Variants in CLP1 observed in about 807,000 individuals in gnomAD.
The protein encoded by CLP1 is polyribonucleotide 5'-hydroxyl-kinase Clp1.
CLP1 carries 18 observed loss-of-function variants against 29.9 expected under a neutral mutation model. That is an observed-to-expected ratio of 0.60 (90% CI 0.42 to 0.89). The LOEUF (loss-of-function observed/expected upper bound fraction) is 0.89, where lower values mean the gene tolerates loss of function less well. Among genes scored for constraint, CLP1 ranks in the 40% least tolerant of loss-of-function variants. The pLI, the probability that CLP1 is intolerant of heterozygous loss-of-function variation, is 0.00. For missense variants in CLP1, 357 were observed against 544.8 expected (o/e 0.66, Z 3.43); for synonymous variants, 162 against 206.2 (o/e 0.79, Z 1.84).
At chr11:57,659,084 ATT>A (rs377693360) in intron 1 of CLP1, among the ~76,000 whole-genome samples, 11 of 128,718 alleles carry the variant, frequency 8.5e-5, no homozygotes, top group Non-Finnish European at 6.7e-5. Context: ...CCATTGGATG[ATT>A]TTTTTTTTTT....
Position 57,661,499 on chromosome 11 carries a change from T to C in CLP1, c.*63T>C. On this transcript the variant is annotated 3_prime_UTR_variant, in exon 3 of 3. Transcript: ENST00000533682. ...TCATCTGGCCACCCCTAGAGGCAGA[T>C]GGGCTGAGATAAAAGACTGTTGGGG... 1 of 1,403,000 alleles carries C rather than the reference T, an allele frequency of 7.1e-7. No individual in the cohort carries two copies. The highest frequency in any genetic ancestry group is 1.3e-5 in the South Asian group (1 of 75,192). The allele number at this position is 1,403,000 out of a possible 1,614,324, so 86.9% of individuals were successfully genotyped here. A position where few individuals can be genotyped will look rare whatever the true frequency, so the allele number is the denominator to read the frequency against.
rs781569229 is a variant in CLP1 at position 57,660,971 on chromosome 11, C to T, written c.813C>T (p.Pro271=). The T allele has an allele frequency of 2.5e-5, 40 of 1,614,088 alleles. No individual in the cohort carries two copies. In the Middle Eastern group the frequency reaches 8.2e-4, roughly 33 times the overall value. Residue 271 remains proline, a synonymous_variant, in exon 3 of 3, where the codon CCC becomes CCT. Coordinates refer to ENST00000533682, the MANE Select transcript of CLP1 (RefSeq NM_006831.3). The part of the protein sequence containing the change: ...RLYNELKRDL[P]HFVRTVLLPK... ...ACAATGAACTGAAACGGGACCTCCCCCACTTTGTACGCACTGTGCTGCTCC... is the reference window on the plus strand; with the variant it reads ...ACAATGAACTGAAACGGGACCTCCCTCACTTTGTACGCACTGTGCTGCTCC...
At position 57,659,759 on chromosome 11, in the gene CLP1, A is replaced by G; in HGVS notation, c.283A>G (p.Asn95Asp). Residue 95 changes from asparagine to aspartate, a missense_variant, in exon 2 of 3, where the codon AAC becomes GAC. By Grantham distance (23) the Asn-to-Asp change is conservative. Transcript: ENST00000533682. The stretch of plus-strand genomic sequence containing the variant: ...GGACACTCCTATGTTGCTTTACCTC[A>G]ACACTCACACAGCCTTGGAACAGAT... ...SKDTPMLLYL[N>D]THTALEQMRR... is the part of the protein sequence containing the mutation. 1 of 1,614,206 alleles carries G rather than the reference A, an allele frequency of 6.2e-7. No individual in the cohort carries two copies. Among genetic ancestry groups the G allele is most frequent in the East Asian group, 2.2e-5 (1 of 44,884 alleles).
At chr11:57,659,270 G>A (rs1455310927) in intron 1 of CLP1, among the ~76,000 whole-genome samples, 185 bp from the exon 2 acceptor site, 3 of 149,302 alleles carry the variant, frequency 2.0e-5, no homozygotes, top group African/African-American at 7.4e-5. Flanking sequence ...TGTATGTTTA[G>A]TAGAGACAGG....
chr11:57,660,790 TCAAC>T lies in CLP1; in HGVS notation c.636_639del (p.Asn212LysfsTer5). Reference sequence around the variant, plus strand: ...ATTACATCTCGTTTAGCAGATGTGTTCAACCAAAGGTGTGAGGTGAACCGAAGGG... The same window carrying T: ...ATTACATCTCGTTTAGCAGATGTGTTCAAAGGTGTGAGGTGAACCGAAGGG... On this transcript the variant is annotated frameshift_variant, in exon 3 of 3. Transcript: ENST00000533682. LOFTEE classifies it high-confidence loss of function. 1 of 1,601,632 alleles carries T rather than the reference TCAAC, an allele frequency of 6.2e-7. No individual in the cohort carries two copies. The highest frequency in any genetic ancestry group is 8.5e-7 in the Non-Finnish European group (1 of 1,171,448).
rs767839746 is a variant in CLP1, at chr11:57,661,077, G to C, written c.919G>C (p.Gly307Arg). Residue 307 changes from glycine (G) to arginine (R), a missense_variant, in exon 3 of 3, where the codon GGA becomes CGA. By Grantham distance (125) the Gly-to-Arg change is moderately radical. Transcript: ENST00000533682. ...RDERIREYFY[G>R]FRGCFYPHAF... ...TGAGCGTATCCGTGAGTATTTTTAT[G>C]GATTCCGAGGCTGTTTCTATCCCCA... 5.6e-6 allele frequency: 9 copies of C among 1,614,190 alleles called. No individual in the cohort carries two copies. In the South Asian group the frequency reaches 9.9e-5, roughly 18 times the overall value.
In CLP1 at chr11:57,660,830, T is replaced by C; in HGVS notation, c.672T>C (p.Ser224=). The part of the protein sequence containing the change: ...RCEVNRRASV[S]GCVINTCGWV... ...AGGTGAACCGAAGGGCATCTGTGAG[T>C]GGCTGTGTCATTAACACCTGTGGCT... The change falls in exon 3 of 3, where the codon AGT becomes AGC. Residue 224 remains serine, a synonymous_variant. Coordinates refer to ENST00000533682, the MANE Select transcript of CLP1 (RefSeq NM_006831.3). The C allele has an allele frequency of 6.2e-7, 1 of 1,613,544 alleles. No individual in the cohort carries two copies. Among genetic ancestry groups the C allele is most frequent in the African/African-American group, 1.3e-5 (1 of 75,024 alleles).
At chr11:57,660,210 C>G in intron 2 of CLP1, 128 bp downstream of exon 2, 1 of 959,054 alleles carries the variant, frequency 1.0e-6, no homozygotes, top group Non-Finnish European at 1.5e-6. Context: ...AAAGGCAATT[C>G]CAAATATGTC....
In CLP1 at chr11:57,659,565, CTCAG is replaced by C; in HGVS notation, c.95_98del (p.Ser32PhefsTer6). ...GAACTTCGCTTTGAGGTGGAGGCAT[CTCAG>C]TCAGTTCAGTTGGAGTTGTTGACTG... is the stretch of plus-strand genomic sequence containing the variant. On this transcript the variant is annotated frameshift_variant, in exon 2 of 3. Coordinates refer to ENST00000533682, the MANE Select transcript of CLP1 (RefSeq NM_006831.3). LOFTEE classifies it high-confidence loss of function. 1 of 1,614,122 alleles carries C rather than the reference CTCAG, an allele frequency of 6.2e-7. No individual in the cohort carries two copies. Among genetic ancestry groups the C allele is most frequent in the Non-Finnish European group, 8.5e-7 (1 of 1,180,012 alleles).
rs1283392092 is a variant in CLP1, at chr11:57,660,020, G to A, written c.544G>A (p.Ala182Thr). The stretch of plus-strand genomic sequence containing the variant: ...TGTCGAAGAGGGTTTCTCTATCCAG[G>A]CCCCTCTGGTGTATCATTTTGGTTC... ...ADVEEGFSIQ[A>T]PLVYHFGSTT... Residue 182 changes from alanine to threonine, a missense_variant, in exon 2 of 3, where the codon GCC (alanine) becomes ACC (threonine). Ala to Thr is a moderately conservative substitution (Grantham distance 58). Coordinates refer to ENST00000533682, the MANE Select transcript of CLP1 (RefSeq NM_006831.3). The A allele has an allele frequency of 6.2e-7, 1 of 1,611,722 alleles. No individual in the cohort carries two copies. Among genetic ancestry groups the A allele is most frequent in the Admixed American group, 1.7e-5 (1 of 59,760 alleles).
chr11:57,661,320 G>T lies in CLP1; in HGVS notation c.1162G>T (p.Val388Leu). 6.2e-7 allele frequency: 1 copy of T among 1,614,044 alleles called. No homozygotes were observed. Among genetic ancestry groups the T allele is most frequent in the Non-Finnish European group, 8.5e-7 (1 of 1,179,890 alleles). ...LSETSVAGFI[V>L]VTSVDLEHQV... is the part of the protein sequence containing the mutation. ...CGAGACAAGTGTAGCTGGCTTCATT[G>T]TGGTGACCAGTGTGGACCTGGAGCA... is the stretch of plus-strand genomic sequence containing the variant. Residue 388 changes from valine to leucine, a missense_variant, in exon 3 of 3, where the codon GTG becomes TTG. Val to Leu is a conservative substitution (Grantham distance 32). Transcript: ENST00000533682.
At chr11:57,660,645 C>A in intron 2 of CLP1, 120 bp from the exon 3 acceptor site, 2 of 833,180 alleles carry the variant, frequency 2.4e-6, no homozygotes, top group Non-Finnish European at 3.7e-6. Flanking sequence ...CAGAGTGAGA[C>A]TCCATTTCAA....
At chr11:57,659,026 C>T (rs2135360063) in intron 1 of CLP1, among the ~76,000 whole-genome samples, 1 of 151,528 alleles carries the variant, frequency 6.6e-6, no homozygotes, top group African/African-American at 2.4e-5. Context: ...CTGCCCAACT[C>T]AGCGCCCCAA....
At position 57,661,451 on chromosome 11, in the gene CLP1, C is replaced by A. The variant is rs1456232876; in HGVS notation, c.*15C>A. ...ATCTGAAGTAGAGATCAGCAGGAAG[C>A]CTTGCTGCCTGGGACATAGAGATCA... is the stretch of plus-strand genomic sequence containing the variant. On this transcript the variant is annotated 3_prime_UTR_variant, in exon 3 of 3. Transcript: ENST00000533682. 6.3e-7 allele frequency: 1 copy of A among 1,588,716 alleles called. No homozygotes were observed. The highest frequency in any genetic ancestry group is 8.6e-7 in the Non-Finnish European group (1 of 1,165,632).
chr11:57,659,392 T>C (rs1945852015), intron 1 of CLP1, 63 bp from the exon 2 acceptor site: 5 of 1,486,554 alleles, frequency 3.4e-6, no homozygotes, highest in Non-Finnish European at 3.7e-6. Context: ...CCTGGCCCCA[T>C]TGGATGTTTT....
At position 57,659,994 on chromosome 11, in the gene CLP1, A is replaced by G. The variant is rs1674266396; in HGVS notation, c.518A>G (p.Asp173Gly). The G allele has an allele frequency of 6.2e-7, 1 of 1,613,420 alleles. No homozygotes were observed. Reference protein sequence around the residue: ...MGALYIERPADVEEGFSIQAP... With the variant: ...MGALYIERPAGVEEGFSIQAP... ...GCCCTCTACATCGAGCGGCCTGCAG[A>G]TGTCGAAGAGGGTTTCTCTATCCAG... Residue 173 changes from aspartate (D) to glycine (G), a missense_variant, in exon 2 of 3, where the codon GAT becomes GGT. Transcript: ENST00000533682.
rs200548560 is a variant in CLP1 at position 57,658,638 on chromosome 11, AT to A, written c.-23+787del. Among the ~76,000 whole-genome samples, 366 of 150,652 alleles carry A rather than the reference AT, an allele frequency of 2.4e-3. 2 individuals are homozygous for A. Among genetic ancestry groups the A allele is most frequent in the African/African-American group, 8.7e-3 (358 of 41,054 alleles). On this transcript the variant is annotated intron_variant, in intron 1 of 2. Transcript: ENST00000533682. ...TTTATTTATTTGTTTATTTTATTTT[AT>A]TTTTTTTTGAGACAGAGCCTTGGTC...
intron 1 of CLP1, among the ~76,000 whole-genome samples, chr11:57,659,002 T>C (rs1945847613): frequency 6.6e-6 from 1 of 152,038 alleles, no homozygotes; most frequent in Non-Finnish European, 1.5e-5. Flanking sequence ...CTTGTACTTC[T>C]GAGCTCAGGG....
At position 57,660,151 on chromosome 11, in the gene CLP1, T is replaced by C. The variant is rs139888219; in HGVS notation, c.606+69T>C. 363 of 1,448,244 alleles carry C rather than the reference T, an allele frequency of 2.5e-4. 1 individual carries two copies. The African/African-American group carries it at 4.5e-3, about 18-fold the overall frequency. 89.7% of individuals were successfully genotyped at this position (1,448,244 alleles called of 1,614,324 possible). Reference sequence around the variant, plus strand: ...AGGGTAGGAAACTGGAGAAGTTTACTAGTTAACACTGCATTTTCTCAGCTG... The same window carrying C: ...AGGGTAGGAAACTGGAGAAGTTTACCAGTTAACACTGCATTTTCTCAGCTG... On this transcript the variant is annotated intron_variant, in intron 2 of 2. Transcript: ENST00000533682.
Sources: gnomAD v4.1 joint callset for allele counts (sites outside exome capture counted in the v4.1 genomes callset) on GRCh38, gnomAD v4.1.1 for gene constraint, MANE v1.5 for transcripts, NCBI Gene and HGNC (gene_info 2026-07-23, HGNC 2026-07-21) for gene names.